DAB1: variants seen among roughly 807,000 people sequenced by gnomAD.
DAB1 encodes the protein DAB adaptor protein 1.
DAB1 carries 15 observed loss-of-function variants against 64.6 expected under a neutral mutation model. That is an observed-to-expected ratio of 0.23 (90% confidence interval 0.16 to 0.36). The LOEUF (loss-of-function observed/expected upper bound fraction) is 0.36. DAB1 is among the 10% of genes least tolerant of loss of function. The pLI is 1.00. For missense variants in DAB1, 596 were observed against 706.7 expected (o/e 0.84, Z 1.78); for synonymous variants, 235 against 251.9 (o/e 0.93, Z 0.64).
intron 4 of DAB1, among the ~76,000 whole-genome samples, chr1:58,337,286 A>G (rs200507699): frequency 4.0e-5 from 5 of 123,484 alleles, no homozygotes; most frequent in African/African-American, 1.0e-4. Flanking sequence ...TGTCTCAAAG[A>G]AAAAAAAAAA....
At chr1:57,916,308 T>C (rs1202812) in intron 5 of DAB1, among the ~76,000 whole-genome samples, 98,649 of 152,018 alleles carry the variant, frequency 0.65, 32,515 homozygotes, top group African/African-American at 0.71. Flanking sequence ...TTGTCAGCCA[T>C]GCCTTCACTG....
intron 2 of DAB1, among the ~76,000 whole-genome samples, chr1:57,215,817 T>C (rs779953819): frequency 3.9e-5 from 6 of 152,166 alleles, no homozygotes; most frequent in Non-Finnish European, 5.9e-5. Flanking sequence ...GGAATGTCCA[T>C]GCATTTCTGA....
At chr1:58,209,408 C>A (rs957385326) in intron 4 of DAB1, among the ~76,000 whole-genome samples, 1 of 152,158 alleles carries the variant, frequency 6.6e-6, no homozygotes, top group Admixed American at 6.6e-5. Context: ...TTTGTTATCA[C>A]ATGCTCAGAA....
intron 4 of DAB1, among the ~76,000 whole-genome samples, chr1:58,247,258 T>TTCCC (rs1660583549): frequency 8.9e-6 from 1 of 112,050 alleles, no homozygotes; most frequent in Non-Finnish European, 1.9e-5. Flanking sequence ...ATTTTTCATT[T>TTCCC]CCCCCCCCGC....
At chr1:57,514,578 A>G (rs1644442850) in intron 7 of DAB1, among the ~76,000 whole-genome samples, 1 of 152,244 alleles carries the variant, frequency 6.6e-6, no homozygotes, top group South Asian at 2.1e-4. Context: ...GCTAATATTC[A>G]ACAAAGATAT....
At chr1:58,159,615 C>A (rs2100746922) in intron 4 of DAB1, among the ~76,000 whole-genome samples, 1 of 152,346 alleles carries the variant, frequency 6.6e-6, no homozygotes, top group South Asian at 2.1e-4. Context: ...GATCATCAGT[C>A]TTCTCATTGG....
Position 57,909,127 on chromosome 1 carries a change from G to A in DAB1, n.388-24965C>T, listed in dbSNP as rs1644602533. On this transcript the variant is annotated intron_variant and non_coding_transcript_variant, in intron 5 of 20. Coordinates refer to the DAB1 transcript ENST00000485760. ...CATGATAGAATAGTACATAGCAACA[G>A]CAGCTAGAATAGTACAAAACAAGTG... 5.9e-5 allele frequency among the ~76,000 whole-genome samples: 9 copies of A among 152,202 alleles called. No individual in the cohort carries two copies. The South Asian group carries it at 1.9e-3, about 32-fold the overall frequency.
At chr1:58,256,882 A>G (rs561268392) in intron 4 of DAB1, among the ~76,000 whole-genome samples, 70 of 152,248 alleles carry the variant, frequency 4.6e-4, no homozygotes, top group Non-Finnish European at 7.5e-4. Flanking sequence ...CTGAACTCCT[A>G]TAAAAATTAT....
chr1:58,451,435 A>T (rs1391871809), intron 3 of DAB1, among the ~76,000 whole-genome samples: 1 of 152,158 alleles, frequency 6.6e-6, no homozygotes, highest in Non-Finnish European at 1.5e-5. Flanking sequence ...CCTGAATTGG[A>T]TCCTAGAGGA....
intron 5 of DAB1, among the ~76,000 whole-genome samples, chr1:57,985,830 C>T (rs1167911965): frequency 6.6e-6 from 1 of 152,140 alleles, no homozygotes; most frequent in East Asian, 1.9e-4. Context: ...CTGCCCAAGA[C>T]TCAGGGACTC....
chr1:57,404,084 G>A (rs1044468305), intron 1 of DAB1, among the ~76,000 whole-genome samples: 11 of 151,808 alleles, frequency 7.2e-5, no homozygotes, highest in Non-Finnish European at 1.5e-4. Context: ...GTTAAGATAC[G>A]CATCAAAGCA....
In DAB1 at chr1:57,100,331, C is replaced by T. The variant is rs1184979653; in HGVS notation, c.307-27917G>A. On this transcript the variant is annotated intron_variant, in intron 4 of 14. Coordinates refer to ENST00000371236, the MANE Select transcript of DAB1 (RefSeq NM_001365792.1). ...TGTTTTTCAGATATTAGTACATATCCAAAGAGATTAGACTGTACTACCTAA... is the reference window on the plus strand; with the variant it reads ...TGTTTTTCAGATATTAGTACATATCTAAAGAGATTAGACTGTACTACCTAA... Among the ~76,000 whole-genome samples the T allele has an allele frequency of 2.6e-5, 4 of 151,616 alleles. No individual in the cohort carries two copies. The East Asian group carries it at 7.7e-4, about 29-fold the overall frequency.
At chr1:58,288,721 A>G (rs1433143511) in intron 4 of DAB1, among the ~76,000 whole-genome samples, 1 of 152,168 alleles carries the variant, frequency 6.6e-6, no homozygotes, top group Non-Finnish European at 1.5e-5. Context: ...TCTTCTCCTT[A>G]TATTTTTGCT....
At chr1:57,581,206 T>C (rs1462357665) in intron 7 of DAB1, among the ~76,000 whole-genome samples, 1 of 152,228 alleles carries the variant, frequency 6.6e-6, no homozygotes, top group Non-Finnish European at 1.5e-5. Context: ...TAAAATCTTT[T>C]AAAGCTTTGG....
At chr1:57,397,226 A>G (rs1056996117) in intron 1 of DAB1, among the ~76,000 whole-genome samples, 4 of 152,046 alleles carry the variant, frequency 2.6e-5, no homozygotes, top group African/African-American at 9.7e-5. Flanking sequence ...GCCTCCTCTA[A>G]CCTCCAAACT....
chr1:57,290,544 G>T (rs546453552), intron 2 of DAB1, among the ~76,000 whole-genome samples: 1 of 152,172 alleles, frequency 6.6e-6, no homozygotes, highest in Admixed American at 6.5e-5. Context: ...GATGGGGAAG[G>T]GGGGTGGTTA....
At chr1:57,534,563 C>T (rs1488319293) in intron 7 of DAB1, among the ~76,000 whole-genome samples, 4 of 152,188 alleles carry the variant, frequency 2.6e-5, no homozygotes, top group African/African-American at 9.6e-5. Flanking sequence ...TCACACCCTC[C>T]CAGTTCATAA....
intron 2 of DAB1, among the ~76,000 whole-genome samples, chr1:57,252,485 C>T (rs1558028581): frequency 1.3e-5 from 2 of 152,112 alleles, no homozygotes; most frequent in South Asian, 4.1e-4. Context: ...TTGGTGATCT[C>T]CTTTAACACA....
chr1:58,298,887 A>G (rs776165220), intron 4 of DAB1, among the ~76,000 whole-genome samples: 3 of 152,182 alleles, frequency 2.0e-5, no homozygotes, highest in Admixed American at 6.5e-5. Context: ...ACTCTACTCT[A>G]TGTAGAAGTA....
Sources: allele counts gnomAD v4.1 joint callset (sites outside exome capture counted in the v4.1 genomes callset), GRCh38; gene constraint gnomAD v4.1.1; transcripts MANE v1.5; gene names NCBI Gene and HGNC (gene_info 2026-07-23, HGNC 2026-07-21).